Variants in MBOAT2 observed in about 807,000 individuals in gnomAD.
MBOAT2 encodes the protein membrane bound glycerophospholipid O-acyltransferase 2.
MBOAT2 carries 28 observed loss-of-function variants against 63.4 expected under a neutral mutation model. The observed-to-expected ratio is 0.44, with a 90% CI of 0.33 to 0.61. The LOEUF is 0.61. MBOAT2 is among the 20% of genes least tolerant of loss of function. The probability of loss-of-function intolerance (pLI) is 0.03; values close to 1 mark genes in which losing one functional copy is unlikely to be tolerated. For missense variants in MBOAT2, 470 were observed against 605.8 expected (o/e 0.78, Z 2.35); for synonymous variants, 211 against 215.6 (o/e 0.98, Z 0.19).
intron 6 of MBOAT2, among the ~76,000 whole-genome samples, chr2:8,880,071 T>C (rs13387540): frequency 0.068 from 10,281 of 151,958 alleles, 369 homozygotes; most frequent in Middle Eastern, 0.089. Context: ...GGGAAGCCAC[T>C]GGAGGATTTT....
In MBOAT2 at chr2:9,003,453, C is replaced by T. The variant is rs1047499297; in HGVS notation, c.75+87G>A. On this transcript the variant is annotated intron_variant, in intron 1 of 12. Transcript: ENST00000305997. The surrounding 1 kb of genome is among the most constrained non-coding windows in gnomAD (Gnocchi z 5.4). ...CCGGGCGCCCGGCCCCAGCCCCCAC[C>T]CTCCTCCCGGGCCCCCGGTCGGGTG... 2.2e-6 allele frequency: 2 copies of T among 917,082 alleles called. No individual in the cohort carries two copies. Among genetic ancestry groups the T allele is most frequent in the Non-Finnish European group, 1.4e-6 (1 of 727,338 alleles). The allele number at this position is 917,082 out of a possible 1,614,324, so 56.8% of individuals were successfully genotyped here. A position where few individuals can be genotyped will look rare whatever the true frequency, so the allele number is the denominator to read the frequency against.
chr2:8,948,282 T>C (rs1009980142), intron 2 of MBOAT2, among the ~76,000 whole-genome samples: 2 of 152,242 alleles, frequency 1.3e-5, no homozygotes, highest in African/African-American at 4.8e-5. Flanking sequence ...TTCCTTCAGA[T>C]GGAGTCTACT....
At chr2:8,964,046 C>T (rs1669817520) in intron 1 of MBOAT2, among the ~76,000 whole-genome samples, 1 of 152,198 alleles carries the variant, frequency 6.6e-6, no homozygotes, top group Admixed American at 6.5e-5. Flanking sequence ...CCATTAGATG[C>T]TGTCACCTCT....
rs927147861 is a variant in MBOAT2 at position 8,862,305 on chromosome 2, T to C, written c.1185+285A>G. The stretch of plus-strand genomic sequence containing the variant: ...TCATCTTTATTTAACTCAGTTTTTA[T>C]CTCTCCTTCAGAAAATTCTGTAAAG... On this transcript the variant is annotated intron_variant, in intron 11 of 12. Coordinates refer to ENST00000305997, the MANE Select transcript of MBOAT2 (RefSeq NM_138799.4). The surrounding 1 kb of genome is among the most constrained non-coding windows in gnomAD (Gnocchi z 4.3). 7.4e-7 allele frequency: 1 copy of C among 1,353,194 alleles called. No homozygotes were observed. The highest frequency in any genetic ancestry group is 1.5e-5 in the African/African-American group (1 of 68,486). 83.8% of individuals were successfully genotyped at this position (1,353,194 alleles called of 1,614,324 possible). A position where few individuals can be genotyped will look rare whatever the true frequency, so the allele number is the denominator to read the frequency against.
At chr2:8,999,411 C>T (rs1189294408) in intron 1 of MBOAT2, among the ~76,000 whole-genome samples, 17 of 152,162 alleles carry the variant, frequency 1.1e-4, no homozygotes, top group Non-Finnish European at 2.5e-4. Context: ...GGATAGCAAC[C>T]TCAGTTTGGT....
intron 2 of MBOAT2, among the ~76,000 whole-genome samples, chr2:8,952,198 A>C (rs894570280): frequency 1.3e-5 from 2 of 152,156 alleles, no homozygotes; most frequent in East Asian, 1.9e-4. Context: ...TCAGGAGCAA[A>C]TTGTTTAATT....
At chr2:8,885,321 A>G (rs919462850) in intron 5 of MBOAT2, among the ~76,000 whole-genome samples, 1 of 152,240 alleles carries the variant, frequency 6.6e-6, no homozygotes, top group Non-Finnish European at 1.5e-5. Context: ...GCACAAAATT[A>G]TTAAAAATAA....
Position 8,950,779 on chromosome 2 carries a change from T to C in MBOAT2, c.222-7515A>G, listed in dbSNP as rs749601835. ...TATGATATTGGCTGTGGGCTTATCATTGATGGCTCTTGGTATTTTGAGGTA... is the reference window on the plus strand; with the variant it reads ...TATGATATTGGCTGTGGGCTTATCACTGATGGCTCTTGGTATTTTGAGGTA... On this transcript the variant is annotated intron_variant, in intron 2 of 12. Coordinates refer to ENST00000305997, the MANE Select transcript of MBOAT2 (RefSeq NM_138799.4). Among the ~76,000 whole-genome samples, 16 of 152,338 alleles carry C rather than the reference T, an allele frequency of 1.1e-4. No individual in the cohort carries two copies. The South Asian group carries it at 2.7e-3, about 26-fold the overall frequency.
chr2:8,860,701 T>C lies in MBOAT2; in HGVS notation c.1249A>G (p.Ile417Val). The C allele has an allele frequency of 6.2e-7, 1 of 1,608,564 alleles. No individual in the cohort carries two copies. Among genetic ancestry groups the C allele is most frequent in the Non-Finnish European group, 8.5e-7 (1 of 1,175,566 alleles). Residue 417 changes from isoleucine to valine, a missense_variant, in exon 12 of 13, where the codon ATA becomes GTA. Around this residue, in one of 3 missense-constraint regions of MBOAT2, gnomAD observed 376 missense variants for 503.8 expected, o/e 0.75. Coordinates refer to ENST00000305997, the MANE Select transcript of MBOAT2 (RefSeq NM_138799.4). ...PSQLKLFYDV[I>V]TWIVTQVAIS... ...GCTACTTGAGTTACTATCCATGTTA[T>C]AACATCATAAAATAATTTCAGTTGG...
At chr2:8,892,377 T>C (rs978043387) in intron 4 of MBOAT2, among the ~76,000 whole-genome samples, 1 of 152,150 alleles carries the variant, frequency 6.6e-6, no homozygotes, top group African/African-American at 2.4e-5. Flanking sequence ...CCCACTTACC[T>C]AACACCAAAT....
intron 6 of MBOAT2, 99 bp downstream of exon 6, chr2:8,882,412 G>A: frequency 8.7e-7 from 1 of 1,153,248 alleles, no homozygotes. Flanking sequence ...TCAGAAGTAA[G>A]TACCTCTAGA....
At chr2:8,957,830 G>A (rs1365250753) in intron 2 of MBOAT2, among the ~76,000 whole-genome samples, 1 of 152,114 alleles carries the variant, frequency 6.6e-6, no homozygotes, top group Non-Finnish European at 1.5e-5. Flanking sequence ...AAGACAATGT[G>A]CCCTTCTGAT....
At chr2:8,999,491 T>G (rs1672538475) in intron 1 of MBOAT2, among the ~76,000 whole-genome samples, 1 of 152,174 alleles carries the variant, frequency 6.6e-6, no homozygotes, top group Non-Finnish European at 1.5e-5. Context: ...AAAAACACTC[T>G]AAAAAATAGG....
At chr2:8,938,702 C>T (rs1667840560) in intron 3 of MBOAT2, among the ~76,000 whole-genome samples, 1 of 151,412 alleles carries the variant, frequency 6.6e-6, no homozygotes, top group Non-Finnish European at 1.5e-5. Context: ...TTCATGCTGT[C>T]ACGTTTCATG....
chr2:8,853,682 TC>T lies in MBOAT2; in HGVS notation c.*4996del, dbSNP rs1212356878. On this transcript the variant is annotated 3_prime_UTR_variant, in exon 13 of 13. Transcript: ENST00000305997. ...AAACATGGCTGGAGATGGCTATGAA[TC>T]GCTGAGTAAGCTTCAGACAGCGGTT... 1.3e-5 allele frequency: 2 copies of T among 152,244 alleles called. No homozygotes were observed. Among genetic ancestry groups the T allele is most frequent in the Non-Finnish European group, 2.9e-5 (2 of 68,040 alleles). The allele number at this position is 152,244 out of a possible 1,614,324, so 9.4% of individuals were successfully genotyped here.
intron 2 of MBOAT2, among the ~76,000 whole-genome samples, chr2:8,944,755 A>C (rs1451892862): frequency 6.6e-6 from 1 of 152,060 alleles, no homozygotes; most frequent in Non-Finnish European, 1.5e-5. Context: ...TGAGTATAAA[A>C]GGAAATAGAA....
At chr2:8,997,318 T>C (rs917885575) in intron 1 of MBOAT2, among the ~76,000 whole-genome samples, 1 of 152,086 alleles carries the variant, frequency 6.6e-6, no homozygotes, top group Non-Finnish European at 1.5e-5. Flanking sequence ...ATAAACCGAG[T>C]TGAAGGAGAT....
intron 8 of MBOAT2, 138 bp downstream of exon 8, chr2:8,872,970 C>G: frequency 1.7e-6 from 1 of 590,962 alleles, no homozygotes; most frequent in African/African-American, 1.9e-5. Context: ...GTTGCGAGGG[C>G]TGTTTTTTCT....
intron 1 of MBOAT2, among the ~76,000 whole-genome samples, chr2:8,959,941 T>C (rs2103278875): frequency 6.6e-6 from 1 of 152,340 alleles, no homozygotes; most frequent in Non-Finnish European, 1.5e-5. Context: ...TATCTACATG[T>C]AGCTATTTCC....
Sources: gnomAD v4.1 joint callset for allele counts (sites outside exome capture counted in the v4.1 genomes callset) on GRCh38, gnomAD v4.1.1 for gene constraint, gnomAD v4.1.1 regional missense constraint, Gnocchi (gnomAD v3.1) non-coding constraint, MANE v1.5 for transcripts, NCBI Gene and HGNC (gene_info 2026-07-23, HGNC 2026-07-21) for gene names.